Variants in ALK observed in about 807,000 individuals in gnomAD.
ALK encodes the protein ALK receptor tyrosine kinase.
ALK carries 74 observed loss-of-function variants against 163.1 expected under a neutral mutation model. The ratio of observed to expected loss-of-function variants is 0.45; its 90% confidence interval spans 0.38 to 0.55. The LOEUF (loss-of-function observed/expected upper bound fraction) is 0.55. Ranked by LOEUF, ALK falls within the 20% of genes least tolerant of loss-of-function variation. The pLI is 0.00. For synonymous variants in ALK, 960 were observed against 843.2 expected, an observed-to-expected ratio of 1.14 and a Z score of -2.40; for missense variants, 2,063 against 2,105.3, an observed-to-expected ratio of 0.98 and a Z score of 0.39.
intron 1 of ALK, among the ~76,000 whole-genome samples, chr2:29,770,923 G>A (rs999924993): frequency 2.0e-5 from 3 of 150,302 alleles, no homozygotes; most frequent in Admixed American, 6.6e-5. Flanking sequence ...TCACACACAC[G>A]CAGTCACACA....
chr2:29,534,310 G>A (rs1455875499), intron 3 of ALK, among the ~76,000 whole-genome samples: 4 of 152,182 alleles, frequency 2.6e-5, no homozygotes, highest in African/African-American at 7.2e-5. Context: ...ATGCAAATTC[G>A]AAGTGTTTGC....
rs200715698 is a variant in ALK, at chr2:29,193,164, C to T, written c.*60G>A. 5 of 1,460,152 alleles carry T rather than the reference C, an allele frequency of 3.4e-6. No homozygotes were observed. The highest frequency in any genetic ancestry group is 4.7e-6 in the Non-Finnish European group (5 of 1,061,414). The allele number at this position is 1,460,152 out of a possible 1,614,324, so 90.4% of individuals were successfully genotyped here. A position where few individuals can be genotyped will look rare whatever the true frequency, so the allele number is the denominator to read the frequency against. ...TCTCTGGTTTGTGAAGGAGCCATTG[C>T]CTCTCTCTCCTCCACGGTCTTAGGG... On this transcript the variant is annotated 3_prime_UTR_variant, in exon 29 of 29. Coordinates refer to ENST00000389048, the MANE Select transcript of ALK (RefSeq NM_004304.5).
intron 1 of ALK, among the ~76,000 whole-genome samples, chr2:29,764,331 C>G (rs1460537003): frequency 6.6e-6 from 1 of 152,106 alleles, no homozygotes; most frequent in African/African-American, 2.4e-5. Context: ...TATGCTGGAT[C>G]CTCTCCTAGA....
At chr2:29,759,125 T>G (rs1436582692) in intron 1 of ALK, among the ~76,000 whole-genome samples, 1 of 152,242 alleles carries the variant, frequency 6.6e-6, no homozygotes, top group African/African-American at 2.4e-5. Context: ...GTCTCTCCTC[T>G]TGTCTGAAGT....
chr2:29,232,614 A>G (rs1205856942), intron 14 of ALK, among the ~76,000 whole-genome samples, 166 bp from the exon 15 acceptor site: 1 of 152,184 alleles, frequency 6.6e-6, no homozygotes, highest in African/African-American at 2.4e-5. Context: ...TTGTTACAAT[A>G]GCCCATCGGC....
intron 3 of ALK, among the ~76,000 whole-genome samples, chr2:29,601,977 CCAGCTCAG>C (rs1322168148): frequency 2.0e-4 from 31 of 152,088 alleles, no homozygotes; most frequent in Non-Finnish European, 2.9e-4. Flanking sequence ...AGGAACTCTA[CCAGCTCAG>C]TGTCCTGAGG....
intron 4 of ALK, among the ~76,000 whole-genome samples, chr2:29,477,717 G>A (rs369823047): frequency 3.9e-5 from 6 of 152,178 alleles, no homozygotes; most frequent in Non-Finnish European, 5.9e-5. Context: ...GGGATGGAGA[G>A]GGATGCGAGG....
chr2:29,592,693 C>T (rs114029499), intron 3 of ALK, among the ~76,000 whole-genome samples: 1,684 of 152,270 alleles, frequency 0.011, 26 homozygotes, highest in African/African-American at 0.033. Context: ...TAGTCCTAAC[C>T]GCTGGTACCT....
chr2:29,706,701 T>C (rs1678921041), intron 2 of ALK, among the ~76,000 whole-genome samples: 1 of 152,196 alleles, frequency 6.6e-6, no homozygotes, highest in Non-Finnish European at 1.5e-5. Flanking sequence ...TGAATTCTTA[T>C]TTCTCTTATC....
intron 4 of ALK, among the ~76,000 whole-genome samples, chr2:29,473,204 C>G (rs756166949): frequency 6.6e-6 from 1 of 152,140 alleles, no homozygotes; most frequent in Non-Finnish European, 1.5e-5. Context: ...AGTCCAGGAA[C>G]AAACCTATTC....
chr2:29,921,400 G>A lies in ALK; in HGVS notation c.-741C>T, dbSNP rs1472844604. ...GGCCCCGGCGGCAGCAGCTGAGGGCGTTCAGGGCAGGGGCGCCCGAAATCT... is the reference window on the plus strand; with the variant it reads ...GGCCCCGGCGGCAGCAGCTGAGGGCATTCAGGGCAGGGGCGCCCGAAATCT... On this transcript the variant is annotated 5_prime_UTR_variant, in exon 1 of 29. It adds an upstream start codon to the 5' untranslated region. Coordinates refer to ENST00000389048, the MANE Select transcript of ALK (RefSeq NM_004304.5). 5 of 232,650 alleles carry A rather than the reference G, an allele frequency of 2.1e-5. No homozygotes were observed. The highest frequency in any genetic ancestry group is 4.2e-5 in the Non-Finnish European group (5 of 117,700). 14.4% of individuals were successfully genotyped at this position (232,650 alleles called of 1,614,324 possible).
chr2:29,656,478 G>A (rs1677188728), intron 3 of ALK, among the ~76,000 whole-genome samples: 1 of 152,128 alleles, frequency 6.6e-6, no homozygotes, highest in Non-Finnish European at 1.5e-5. Flanking sequence ...GAAAGCAAAT[G>A]CTAATATCTC....
intron 1 of ALK, among the ~76,000 whole-genome samples, chr2:29,754,908 A>C (rs1242266290): frequency 6.6e-6 from 1 of 152,196 alleles, no homozygotes; most frequent in African/African-American, 2.4e-5. Context: ...AGAAGTGTTC[A>C]GGACAAAAAT....
At chr2:29,221,528 G>A (rs1669804035) in intron 22 of ALK, among the ~76,000 whole-genome samples, 1 of 152,132 alleles carries the variant, frequency 6.6e-6, no homozygotes, top group Non-Finnish European at 1.5e-5. Flanking sequence ...AGTGAGATTT[G>A]AGTGATATGG....
intron 2 of ALK, 126 bp downstream of exon 2, chr2:29,717,452 C>A: frequency 8.4e-7 from 1 of 1,192,050 alleles, no homozygotes; most frequent in South Asian, 1.3e-5. Flanking sequence ...CTCAGAAAGA[C>A]TTCTTTTGCA....
intron 9 of ALK, among the ~76,000 whole-genome samples, chr2:29,288,999 T>C (rs79097564): frequency 8.0e-6 from 1 of 124,260 alleles, no homozygotes; most frequent in Non-Finnish European, 1.8e-5. Flanking sequence ...AATAAATAAA[T>C]AAAAGAAAAT....
In ALK at chr2:29,231,694, T is replaced by A. The variant is rs576558152; in HGVS notation, c.2632+610A>T. ...TTCTAAGATCCTCCCACAGTCTGATTGTGTGGAAAAGAAAATACAAAAAGG... is the reference window on the plus strand; with the variant it reads ...TTCTAAGATCCTCCCACAGTCTGATAGTGTGGAAAAGAAAATACAAAAAGG... On this transcript the variant is annotated intron_variant, in intron 15 of 28. Coordinates refer to ENST00000389048, the MANE Select transcript of ALK (RefSeq NM_004304.5). Among the ~76,000 whole-genome samples the A allele has an allele frequency of 2.0e-5, 3 of 152,338 alleles. No individual in the cohort carries two copies. In the East Asian group the frequency reaches 5.8e-4, roughly 29 times the overall value.
chr2:29,897,884 C>T (rs996622733), intron 1 of ALK, among the ~76,000 whole-genome samples: 6 of 152,124 alleles, frequency 3.9e-5, no homozygotes, highest in African/African-American at 1.4e-4. Flanking sequence ...GCCAAACAGC[C>T]TCCCCCTAGT....
At chr2:29,655,933 G>A (rs1015372984) in intron 3 of ALK, among the ~76,000 whole-genome samples, 2 of 152,178 alleles carry the variant, frequency 1.3e-5, no homozygotes, top group African/African-American at 2.4e-5. Flanking sequence ...TAGGAGAAGA[G>A]CTGCTGTGCT....
Sources: allele counts gnomAD v4.1 joint callset (sites outside exome capture counted in the v4.1 genomes callset), GRCh38; gene constraint gnomAD v4.1.1; transcripts MANE v1.5; gene names NCBI Gene and HGNC (gene_info 2026-07-23, HGNC 2026-07-21).